Variants in TNNT2 observed in about 807,000 individuals in gnomAD.
TNNT2 encodes troponin T, cardiac muscle.
A neutral mutation model predicts 62.4 loss-of-function variants in TNNT2; 34 were observed. The observed-to-expected ratio is 0.54, with a 90% CI of 0.41 to 0.72. The LOEUF (loss-of-function observed/expected upper bound fraction) is 0.72, where lower values mean the gene tolerates loss of function less well. Among genes scored for constraint, TNNT2 ranks in the 30% least tolerant of loss-of-function variants. The pLI, the probability that TNNT2 is intolerant of heterozygous loss-of-function variation, is 0.00. For synonymous variants in TNNT2, 123 were observed against 127.2 expected (o/e 0.97, Z 0.22); for missense variants, 275 against 381.9 (o/e 0.72, Z 2.33).
At chr1:201,361,237 T>A in intron 15 of TNNT2, 42 bp downstream of exon 15, 1 of 1,582,444 alleles carries the variant, frequency 6.3e-7, no homozygotes, top group South Asian at 1.1e-5. Flanking sequence ...CCAGGAGGAG[T>A]GTGAGATGGA....
chr1:201,359,830 G>A (rs182467876), intron 15 of TNNT2, among the ~76,000 whole-genome samples, 167 bp from the exon 16 acceptor site: 14 of 152,254 alleles, frequency 9.2e-5, no homozygotes, highest in East Asian at 3.9e-4. Context: ...GGAGGGGCCC[G>A]TGTACCACAG....
intron 6 of TNNT2, 148 bp downstream of exon 6, chr1:201,368,014 T>A: frequency 1.0e-6 from 1 of 998,272 alleles, no homozygotes; most frequent in South Asian, 1.3e-5. Flanking sequence ...CGTTTGTTGA[T>A]TGGGCAATCA....
chr1:201,373,659 A>T, intron 1 of TNNT2: 1 of 293,258 alleles, frequency 3.4e-6, no homozygotes, highest in Non-Finnish European at 6.6e-6. Context: ...CTGCAGCCTC[A>T]ACCTTCTGGG....
rs778446473 is a variant in TNNT2, at chr1:201,361,234, G to A, written c.810+45C>T. ...ATTACCGGACCCAGTGAACCAGGAG[G>A]AGTGTGAGATGGAGATGCTGGGCGG... is the stretch of plus-strand genomic sequence containing the variant. On this transcript the variant is annotated intron_variant, in intron 15 of 16. Transcript: ENST00000656932. 6.4e-6 allele frequency: 10 copies of A among 1,574,406 alleles called. No homozygotes were observed. In the South Asian group the frequency reaches 6.7e-5, roughly 10 times the overall value.
chr1:201,360,877 G>T, intron 15 of TNNT2: 1 of 339,748 alleles, frequency 2.9e-6, no homozygotes, highest in Non-Finnish European at 5.7e-6. Flanking sequence ...CAGCCTAATT[G>T]TGCCCACACC....
At chr1:201,362,273 C>T in intron 13 of TNNT2, 113 bp downstream of exon 13, 1 of 1,532,656 alleles carries the variant, frequency 6.5e-7, no homozygotes, top group East Asian at 2.4e-5. Context: ...AGCTTCCCCC[C>T]TCCCCAGCCA....
At chr1:201,372,673 G>A (rs1197422939) in intron 2 of TNNT2, among the ~76,000 whole-genome samples, 1 of 152,182 alleles carries the variant, frequency 6.6e-6, no homozygotes, top group Non-Finnish European at 1.5e-5. Flanking sequence ...AGTTCTGTGA[G>A]GGCAGTAGCC....
At chr1:201,361,508 C>A in intron 14 of TNNT2, 139 bp from the exon 15 acceptor site, 1 of 850,748 alleles carries the variant, frequency 1.2e-6, no homozygotes, top group South Asian at 1.3e-5. Flanking sequence ...CAGCCCACCC[C>A]CTGGGCCTGA....
At chr1:201,369,218 A>C (rs1660198093) in intron 5 of TNNT2, 3 of 461,766 alleles carry the variant, frequency 6.5e-6, no homozygotes, top group Admixed American at 4.7e-5. Context: ...CACCTACTGC[A>C]TCTTGAGATA....
At chr1:201,373,008 A>T in intron 2 of TNNT2, 1 of 698,206 alleles carries the variant, frequency 1.4e-6, no homozygotes. Context: ...TGCTTCCCGA[A>T]GTCTCTCGGC....
chr1:201,362,104 G>A (rs561443682), intron 13 of TNNT2, 82 bp from the exon 14 acceptor site: 1 of 1,482,190 alleles, frequency 6.7e-7, no homozygotes, highest in Admixed American at 1.7e-5. Flanking sequence ...CCTGGGGGTG[G>A]AGCAAGGCCT....
chr1:201,359,530 G>A, intron 16 of TNNT2, 93 bp downstream of exon 16: 2 of 1,320,606 alleles, frequency 1.5e-6, no homozygotes, highest in Non-Finnish European at 2.1e-6. Flanking sequence ...AGGGCTGGGA[G>A]CCTGGGGCCC....
chr1:201,366,090 C>T, intron 8 of TNNT2: 1 of 1,139,072 alleles, frequency 8.8e-7, no homozygotes, highest in Non-Finnish European at 1.1e-6. Flanking sequence ...CAGTTTGGTC[C>T]TGGTCCCAAC....
intron 11 of TNNT2, 90 bp from the exon 12 acceptor site, chr1:201,363,496 G>T (rs1195773123): frequency 1.6e-6 from 2 of 1,244,144 alleles, no homozygotes; most frequent in East Asian, 4.7e-5. Flanking sequence ...TTATGGGTGA[G>T]TTCAGCTTTC....
chr1:201,363,415 C>T lies in TNNT2; in HGVS notation c.490-9G>A. 6.2e-7 allele frequency: 1 copy of T among 1,613,430 alleles called. No individual in the cohort carries two copies. The highest frequency in any genetic ancestry group is 8.5e-7 in the Non-Finnish European group (1 of 1,179,348). ...CGTCGAGCCCTCTCTTCCTGATTTA[C>T]AGCAGGGAGGAAGAAAGCAAATTAG... is the stretch of plus-strand genomic sequence containing the variant. On this transcript the variant is annotated splice_polypyrimidine_tract_variant and intron_variant, in intron 11 of 16. Coordinates refer to ENST00000656932, the MANE Select transcript of TNNT2 (RefSeq NM_001276345.2).
At position 201,362,186 on chromosome 1, in the gene TNNT2, G is replaced by A; in HGVS notation, c.610-164C>T. 5 of 1,198,238 alleles carry A rather than the reference G, an allele frequency of 4.2e-6. No homozygotes were observed. In the South Asian group the frequency reaches 6.4e-5, roughly 15 times the overall value. 74.2% of individuals were successfully genotyped at this position (1,198,238 alleles called of 1,614,324 possible). On this transcript the variant is annotated intron_variant, in intron 13 of 16. Transcript: ENST00000656932. Reference sequence around the variant, plus strand: ...ACTACCAACTACATGTATTCCCTAGGGAAACTGAGGTAGGGGCAAGAAGGA... The same window carrying A: ...ACTACCAACTACATGTATTCCCTAGAGAAACTGAGGTAGGGGCAAGAAGGA...
At chr1:201,369,723 C>T in intron 5 of TNNT2, 93 bp downstream of exon 5, 2 of 1,521,744 alleles carry the variant, frequency 1.3e-6, no homozygotes, top group Admixed American at 1.7e-5. Context: ...CCTACTCACA[C>T]CCCCCAGCCC....
At chr1:201,362,487 G>T in intron 12 of TNNT2, 93 bp from the exon 13 acceptor site, 1 of 1,493,036 alleles carries the variant, frequency 6.7e-7, no homozygotes, top group Non-Finnish European at 9.2e-7. Flanking sequence ...AAGGCAAGGA[G>T]AGACATGGAA....
intron 14 of TNNT2, 68 bp from the exon 15 acceptor site, chr1:201,361,437 C>T: frequency 7.2e-7 from 1 of 1,397,626 alleles, no homozygotes. Flanking sequence ...CCGTCCTGGT[C>T]CCGGCCCAGC....
Sources: gnomAD v4.1 joint callset for allele counts (sites outside exome capture counted in the v4.1 genomes callset) on GRCh38, gnomAD v4.1.1 for gene constraint, MANE v1.5 for transcripts, NCBI Gene and HGNC (gene_info 2026-07-23, HGNC 2026-07-21) for gene names.